The following GLIS3 variants were observed in gnomAD, a reference collection of about 807,000 sequenced individuals.
GLIS3 encodes zinc finger protein GLIS3.
Under a neutral mutation model 78.6 loss-of-function variants are expected in GLIS3, and 53 were observed. That is an observed-to-expected ratio of 0.67 (90% CI 0.54 to 0.85). The LOEUF (loss-of-function observed/expected upper bound fraction) is 0.85. Ranked by LOEUF, GLIS3 falls within the 40% of genes least tolerant of loss-of-function variation. GLIS3 has a pLI of 0.00. For synonymous variants in GLIS3, 684 were observed against 509.9 expected (o/e 1.34, Z -4.60); for missense variants, 1,703 against 1,231.1 (o/e 1.38, Z -5.74).
intron 6 of GLIS3, among the ~76,000 whole-genome samples, chr9:3,931,438 T>A (rs1035372630): frequency 6.6e-6 from 1 of 152,132 alleles, no homozygotes; most frequent in Non-Finnish European, 1.5e-5. Flanking sequence ...TTGAAATACG[T>A]TGAGTCTCAA....
rs530771032 is a variant in GLIS3 at position 3,991,937 on chromosome 9, G to A, written c.1711-54748C>T. 2.0e-3 allele frequency among the ~76,000 whole-genome samples: 299 copies of A among 152,162 alleles called. 1 individual carries two copies. The highest frequency in any genetic ancestry group is 2.6e-3 in the Non-Finnish European group (174 of 68,010). On this transcript the variant is annotated intron_variant, in intron 4 of 10. Coordinates refer to ENST00000381971, the MANE Select transcript of GLIS3 (RefSeq NM_001042413.2). ...GATCTCCTGACTTCGTGATCCGCCC[G>A]CCTCGGCCTCCCAAAGTGCTGGGAT...
chr9:4,317,430 G>A (rs913212596), intron 2 of GLIS3, among the ~76,000 whole-genome samples: 3 of 152,164 alleles, frequency 2.0e-5, no homozygotes, highest in Non-Finnish European at 2.9e-5. Context: ...AGCCACACTT[G>A]AGAACCACTG....
At position 4,250,160 on chromosome 9, in the gene GLIS3, T is replaced by C. The variant is rs182095232; in HGVS notation, c.388+35878A>G. Among the ~76,000 whole-genome samples, 320 of 152,338 alleles carry C rather than the reference T, an allele frequency of 2.1e-3. 1 individual carries two copies. The highest frequency in any genetic ancestry group is 7.2e-3 in the African/African-American group (301 of 41,576). On this transcript the variant is annotated intron_variant, in intron 2 of 10. Coordinates refer to ENST00000381971, the MANE Select transcript of GLIS3 (RefSeq NM_001042413.2). ...AAATGAGTTAGGGAGGATTCCCTCT[T>C]TTTCTATTGTTTGGAATAGTTTCAG... is the stretch of plus-strand genomic sequence containing the variant.
chr9:4,383,711 A>G, the GLIS3 span, among the ~76,000 whole-genome samples: 1 of 152,376 alleles, frequency 6.6e-6, no homozygotes, highest in East Asian at 1.9e-4. Flanking sequence ...TTCTTAGGTA[A>G]TATGACTTGA....
chr9:4,391,147 C>T, the GLIS3 span, among the ~76,000 whole-genome samples: 596 of 152,274 alleles, frequency 3.9e-3, 1 homozygote, highest in African/African-American at 0.014. Context: ...TAATATTCTG[C>T]TGCCTCTGGC....
intron 4 of GLIS3, among the ~76,000 whole-genome samples, chr9:4,002,097 T>C (rs1821159664): frequency 6.6e-6 from 1 of 152,202 alleles, no homozygotes; most frequent in South Asian, 2.1e-4. Context: ...TCCCAGATTA[T>C]TTGGGTGAGC....
chr9:3,918,324 G>A (rs183752393), intron 6 of GLIS3, among the ~76,000 whole-genome samples: 23 of 152,276 alleles, frequency 1.5e-4, no homozygotes, highest in Admixed American at 1.5e-3. Flanking sequence ...TGTGTCTTGT[G>A]AGCAGGGAGG....
At chr9:4,461,353 A>G in the GLIS3 span, among the ~76,000 whole-genome samples, 8 of 139,652 alleles carry the variant, frequency 5.7e-5, no homozygotes, top group Non-Finnish European at 9.7e-5. Context: ...ACATTTTTCA[A>G]TTATGCACTT....
the GLIS3 span, among the ~76,000 whole-genome samples, chr9:4,441,567 G>A: frequency 6.6e-6 from 1 of 152,016 alleles, no homozygotes; most frequent in Non-Finnish European, 1.5e-5. Context: ...GAGGATTTTT[G>A]TGTCTAAGTT....
chr9:4,284,914 G>A (rs1055131524), intron 2 of GLIS3, among the ~76,000 whole-genome samples: 8 of 151,952 alleles, frequency 5.3e-5, no homozygotes, highest in East Asian at 3.9e-4. Flanking sequence ...GTGATACCCC[G>A]TCTCAAAAAA....
At chr9:4,206,494 A>G (rs1244733437) in intron 2 of GLIS3, among the ~76,000 whole-genome samples, 2 of 152,268 alleles carry the variant, frequency 1.3e-5, no homozygotes, top group South Asian at 2.1e-4. Flanking sequence ...GCGTAGCTTT[A>G]TGAACTGCTT....
intron 4 of GLIS3, among the ~76,000 whole-genome samples, chr9:3,942,100 A>G (rs1815967644): frequency 6.6e-6 from 1 of 152,220 alleles, no homozygotes. Context: ...AGTTACTTAG[A>G]GTGCTGAGAA....
the GLIS3 span, among the ~76,000 whole-genome samples, chr9:4,429,353 C>G: frequency 6.6e-6 from 1 of 151,954 alleles, no homozygotes; most frequent in African/African-American, 2.4e-5. Context: ...TTCTCTTGAC[C>G]CACCGGATTT....
chr9:4,203,470 C>T (rs1170639819), intron 2 of GLIS3, among the ~76,000 whole-genome samples: 1 of 152,140 alleles, frequency 6.6e-6, no homozygotes, highest in South Asian at 2.1e-4. Flanking sequence ...CATGACTGCA[C>T]GTCCTGCACA....
intron 4 of GLIS3, among the ~76,000 whole-genome samples, chr9:3,967,275 G>C (rs539567741): frequency 2.0e-5 from 3 of 152,066 alleles, no homozygotes; most frequent in Non-Finnish European, 4.4e-5. Context: ...AGACCGAGGC[G>C]GGCAGATCAC....
Position 4,051,255 on chromosome 9 carries a change from C to T in GLIS3, c.1710+66513G>A, listed in dbSNP as rs192055453. ...TAACAAGACATTCAATTGCTTATTT[C>T]GAATGTGGAATGTGGTAGAAAAGTA... is the stretch of plus-strand genomic sequence containing the variant. On this transcript the variant is annotated intron_variant, in intron 4 of 10. Transcript: ENST00000381971. Among the ~76,000 whole-genome samples, 35 of 152,076 alleles carry T rather than the reference C, an allele frequency of 2.3e-4. No individual in the cohort carries two copies. The East Asian group carries it at 5.6e-3, about 24-fold the overall frequency.
At chr9:3,886,855 A>G (rs1822112163) in intron 7 of GLIS3, among the ~76,000 whole-genome samples, 1 of 152,134 alleles carries the variant, frequency 6.6e-6, no homozygotes, top group African/African-American at 2.4e-5. Context: ...GGTTAATTGG[A>G]GAACGAGAGA....
chr9:3,893,541 A>T (rs1259331781), intron 7 of GLIS3, among the ~76,000 whole-genome samples: 1 of 152,144 alleles, frequency 6.6e-6, no homozygotes, highest in Non-Finnish European at 1.5e-5. Context: ...ATATCCACCT[A>T]TAGGTTTTAT....
At chr9:3,841,195 C>G (rs1297822012) in intron 9 of GLIS3, among the ~76,000 whole-genome samples, 2 of 152,206 alleles carry the variant, frequency 1.3e-5, no homozygotes, top group Non-Finnish European at 2.9e-5. Context: ...TCCAAATTCT[C>G]AAAATGATAA....
Sources: allele counts gnomAD v4.1 joint callset (sites outside exome capture counted in the v4.1 genomes callset), GRCh38; gene constraint gnomAD v4.1.1; transcripts MANE v1.5; gene names NCBI Gene and HGNC (gene_info 2026-07-23, HGNC 2026-07-21).